The following VGLL4 variants were observed in gnomAD, a reference collection of about 807,000 sequenced individuals.
VGLL4 encodes vestigial like family member 4.
A neutral mutation model predicts 21.0 loss-of-function variants in VGLL4; 7 were observed. The ratio of observed to expected loss-of-function variants is 0.33; its 90% CI spans 0.19 to 0.63. The LOEUF (loss-of-function observed/expected upper bound fraction) is 0.63, where lower values mean the gene tolerates loss of function less well. Among genes scored for constraint, VGLL4 ranks in the 20% least tolerant of loss-of-function variants. The probability of loss-of-function intolerance (pLI) is 0.78; values close to 1 mark genes in which losing one functional copy is unlikely to be tolerated. For synonymous variants in VGLL4, 222 were observed against 173.2 expected, an observed-to-expected ratio of 1.28 and a Z score of -2.21; for missense variants, 394 against 425.7, an observed-to-expected ratio of 0.93 and a Z score of 0.66.
intron 1 of VGLL4, among the ~76,000 whole-genome samples, chr3:11,706,975 C>G (rs2076769328): frequency 6.6e-6 from 1 of 152,138 alleles, no homozygotes; most frequent in African/African-American, 2.4e-5. Flanking sequence ...TTGTCATCAT[C>G]TGTCCCTGAG....
At chr3:11,561,123 A>G (rs1287531159) in intron 3 of VGLL4, among the ~76,000 whole-genome samples, 1 of 141,538 alleles carries the variant, frequency 7.1e-6, no homozygotes, top group Non-Finnish European at 1.5e-5. Context: ...GGGCTCTAGG[A>G]GACCCCCCCC....
chr3:11,716,485 A>G (rs1290716076), intron 1 of VGLL4, among the ~76,000 whole-genome samples: 1 of 152,110 alleles, frequency 6.6e-6, no homozygotes, highest in Non-Finnish European at 1.5e-5. Context: ...CATGTCCACA[A>G]ATGTCGAAGA....
At chr3:11,606,607 A>C (rs2074946912) in intron 1 of VGLL4, among the ~76,000 whole-genome samples, 1 of 152,168 alleles carries the variant, frequency 6.6e-6, no homozygotes, top group South Asian at 2.1e-4. Flanking sequence ...GGATTGTAAA[A>C]TGCACCCAAT....
intron 2 of VGLL4, among the ~76,000 whole-genome samples, chr3:11,571,552 C>T (rs1352189790): frequency 1.3e-5 from 2 of 151,804 alleles, no homozygotes; most frequent in African/African-American, 2.4e-5. Flanking sequence ...GGCATGGTAG[C>T]GCCTGTAATC....
intron 1 of VGLL4, among the ~76,000 whole-genome samples, chr3:11,720,142 C>T (rs1303429134): frequency 6.6e-6 from 1 of 152,164 alleles, no homozygotes; most frequent in Non-Finnish European, 1.5e-5. Flanking sequence ...GACCTGCTGC[C>T]CTTCCCGCCA....
intron 1 of VGLL4, among the ~76,000 whole-genome samples, chr3:11,715,427 G>A (rs573205464): frequency 3.5e-4 from 54 of 152,118 alleles, no homozygotes; most frequent in Middle Eastern, 3.4e-3. Context: ...TCCACTTTCC[G>A]GGTTCAAGCA....
At chr3:11,663,168 A>G (rs2076060035) in intron 2 of VGLL4, among the ~76,000 whole-genome samples, 1 of 152,136 alleles carries the variant, frequency 6.6e-6, no homozygotes, top group African/African-American at 2.4e-5. Context: ...ATACGAGTGA[A>G]AAGATAAAGG....
intron 2 of VGLL4, among the ~76,000 whole-genome samples, chr3:11,569,385 C>G (rs1477225218): frequency 1.3e-5 from 2 of 152,214 alleles, no homozygotes; most frequent in Non-Finnish European, 2.9e-5. Flanking sequence ...ATGGCAGGTG[C>G]TCCCACCCAG....
At position 11,682,104 on chromosome 3, in the gene VGLL4, C is replaced by G. The variant is rs866631393; in HGVS notation, c.64+20867G>C. Among the ~76,000 whole-genome samples the G allele has an allele frequency of 9.2e-5, 14 of 152,126 alleles. 1 individual carries two copies. In the Middle Eastern group the frequency reaches 0.01, roughly 111 times the overall value. ...CGAAATGCTGTCTCTAATAAAATTA[C>G]AAAAATTAGCCAGGTGTGGCCGGGT... On this transcript the variant is annotated intron_variant, in intron 2 of 5. Transcript: ENST00000273038.
At chr3:11,562,751 C>T (rs533829228) in intron 3 of VGLL4, among the ~76,000 whole-genome samples, 91 of 152,348 alleles carry the variant, frequency 6.0e-4, no homozygotes, top group South Asian at 1.0e-3. Flanking sequence ...CAACCCCAGC[C>T]GAAAATGACA....
At chr3:11,629,231 T>C (rs563206017) in intron 1 of VGLL4, among the ~76,000 whole-genome samples, 173 of 152,278 alleles carry the variant, frequency 1.1e-3, no homozygotes, top group Non-Finnish European at 2.0e-3. Flanking sequence ...GTTTCTGGGG[T>C]GTAGCCAATC....
At chr3:11,569,910 A>C (rs1329797956) in intron 2 of VGLL4, among the ~76,000 whole-genome samples, 1 of 152,210 alleles carries the variant, frequency 6.6e-6, no homozygotes, top group African/African-American at 2.4e-5. Context: ...GCACATCTTT[A>C]ATCTTAAAAA....
chr3:11,561,306 C>T (rs2072976666), intron 3 of VGLL4, among the ~76,000 whole-genome samples: 1 of 152,124 alleles, frequency 6.6e-6, no homozygotes, highest in Non-Finnish European at 1.5e-5. Flanking sequence ...TCAGTCTATC[C>T]AAGGCAGGAA....
intron 2 of VGLL4, among the ~76,000 whole-genome samples, chr3:11,700,825 G>A (rs569587972): frequency 1.2e-4 from 18 of 152,218 alleles, no homozygotes; most frequent in Non-Finnish European, 1.8e-4. Context: ...AAAAGCCTTC[G>A]GCCTGAGCTG....
At chr3:11,679,255 T>C (rs1448668054) in intron 2 of VGLL4, among the ~76,000 whole-genome samples, 1 of 152,034 alleles carries the variant, frequency 6.6e-6, no homozygotes, top group African/African-American at 2.4e-5. Flanking sequence ...GACCTTCCAG[T>C]GGGACAAAAT....
chr3:11,658,233 C>CCTGGATCTTTCCTTTTA (rs1559927934), intron 2 of VGLL4, among the ~76,000 whole-genome samples: 2 of 152,086 alleles, frequency 1.3e-5, no homozygotes, highest in African/African-American at 4.8e-5. Context: ...CCATGCCCGG[C>CCTGGATCTTTCCTTTTA]TAAAACAAGT....
rs78548040 is a variant in VGLL4, at chr3:11,708,608, C to T, written c.-13-5561G>A. ...CTGGAATGGCCCGAAAAGCTTCAAG[C>T]AAGGAAGTGACAAGTTTATTTTATT... On this transcript the variant is annotated intron_variant, in intron 1 of 5. Coordinates refer to the VGLL4 transcript ENST00000273038. Among the ~76,000 whole-genome samples, 497 of 152,242 alleles carry T rather than the reference C, an allele frequency of 3.3e-3. 5 individuals are homozygous for T. In the East Asian group the frequency reaches 0.053, roughly 16 times the overall value.
chr3:11,560,965 C>A (rs1575351340), intron 3 of VGLL4, among the ~76,000 whole-genome samples: 1 of 152,132 alleles, frequency 6.6e-6, no homozygotes, highest in African/African-American at 2.4e-5. Context: ...AGATCTCACA[C>A]TGGCTGACCA....
At chr3:11,587,214 G>C (rs2074381555) in intron 2 of VGLL4, among the ~76,000 whole-genome samples, 1 of 152,190 alleles carries the variant, frequency 6.6e-6, no homozygotes, top group African/African-American at 2.4e-5. Context: ...ACAGTCCAAA[G>C]GGGGCCAGAG....
Sources: allele counts gnomAD v4.1 joint callset (sites outside exome capture counted in the v4.1 genomes callset), GRCh38; gene constraint gnomAD v4.1.1; transcripts MANE v1.5; gene names NCBI Gene and HGNC (gene_info 2026-07-23, HGNC 2026-07-21).